Variants in GMPR2 observed in about 807,000 individuals in gnomAD.
GMPR2 encodes the protein guanosine monophosphate reductase 2, also known as GMP reductase 2.
In GMPR2, 32 loss-of-function variants were observed where a neutral mutation model predicts 38.5. The observed-to-expected ratio is 0.83, with a 90% CI of 0.63 to 1.12. The LOEUF is 1.12. GMPR2 is among the 50% of genes most tolerant of loss of function. The pLI, the probability that GMPR2 is intolerant of heterozygous loss-of-function variation, is 0.00. For missense variants in GMPR2, 396 were observed against 432.1 expected, an observed-to-expected ratio of 0.92 and a Z score of 0.74; for synonymous variants, 154 against 151.0, an observed-to-expected ratio of 1.02 and a Z score of -0.15.
intron 5 of GMPR2, 84 bp downstream of exon 5, chr14:24,236,224 G>A: frequency 1.1e-6 from 1 of 930,840 alleles, no homozygotes; most frequent in Non-Finnish European, 1.7e-6. Context: ...TTTCTCCTCT[G>A]CTGCATTATG....
chr14:24,238,698 A>G lies in GMPR2; in HGVS notation c.967A>G (p.Lys323Glu). The G allele has an allele frequency of 1.2e-6, 2 of 1,613,862 alleles. No individual in the cohort carries two copies. Among genetic ancestry groups the G allele is most frequent in the Middle Eastern group, 3.3e-4 (2 of 6,062 alleles). Residue 323 changes from lysine (K) to glutamate (E), a missense_variant, in exon 10 of 10, where the codon AAG (lysine) becomes GAG (glutamate). By Grantham distance (56) the Lys-to-Glu change is moderately conservative. Transcript: ENST00000399440. The stretch of plus-strand genomic sequence containing the variant: ...TACGTGTACCTATGTGGGAGCAGCT[A>G]AGCTCAAAGAGTTGAGCAGGAGAAC... ...RSTCTYVGAAKLKELSRRTTF... is the reference protein window; with the variant it reads ...RSTCTYVGAAELKELSRRTTF...
At position 24,233,272 on chromosome 14, in the gene GMPR2, G is replaced by T; in HGVS notation, c.19G>T (p.Asp7Tyr). The T allele has an allele frequency of 6.2e-7, 1 of 1,614,048 alleles. No individual in the cohort carries two copies. The highest frequency in any genetic ancestry group is 8.5e-7 in the Non-Finnish European group (1 of 1,179,982). Residue 7 changes from aspartate (D) to tyrosine (Y), a missense_variant, in exon 2 of 10, where the codon GAT (aspartate) becomes TAT (tyrosine). By Grantham distance (160) the Asp-to-Tyr change is radical. Coordinates refer to ENST00000399440, the MANE Select transcript of GMPR2 (RefSeq NM_001002002.3). ...AAGCGCCATGCCTCATATTGACAAC[G>T]ATGTGAAACTGGACTTCAAGGATGT... MPHIDN[D>Y]VKLDFKDVLL...
chr14:24,235,548 G>A, intron 3 of GMPR2, 189 bp from the exon 4 acceptor site: 3 of 603,620 alleles, frequency 5.0e-6, no homozygotes, highest in Non-Finnish European at 8.9e-6. Flanking sequence ...CTAGCTTATG[G>A]TAAAAAGCCC....
chr14:24,238,138 G>C, intron 8 of GMPR2, 108 bp from the exon 9 acceptor site: 1 of 1,008,112 alleles, frequency 9.9e-7, no homozygotes, highest in Non-Finnish European at 1.5e-6. Context: ...GGAGGAAGAC[G>C]CTGGAATCAT....
chr14:24,233,066 C>T (rs1020115760), intron 1 of GMPR2, 89 bp downstream of exon 1: 4 of 902,796 alleles, frequency 4.4e-6, no homozygotes, highest in African/African-American at 3.3e-5. Flanking sequence ...CTAGGGTAAT[C>T]GCAGCCACGG....
intron 7 of GMPR2, 56 bp downstream of exon 7, chr14:24,237,407 G>A (rs2040399718): frequency 1.4e-5 from 21 of 1,470,080 alleles, no homozygotes; most frequent in Non-Finnish European, 2.0e-5. Context: ...GTATGGAGGT[G>A]GCAGAGATGG....
chr14:24,237,284 ATCC>A lies in GMPR2; in HGVS notation c.588_590del (p.Tyr196_Pro197delinsTer). The A allele has an allele frequency of 2.5e-6, 4 of 1,612,164 alleles. No individual in the cohort carries two copies. The highest frequency in any genetic ancestry group is 3.4e-6 in the Non-Finnish European group (4 of 1,178,180). ...ACTCGGAAGAAAACTGGAGTGGGGT[ATCC>A]ACAGCTCAGCGCAGTGATGGAGTGT... is the stretch of plus-strand genomic sequence containing the variant. On this transcript the variant is annotated stop_gained and inframe_deletion, in exon 7 of 10. Coordinates refer to ENST00000399440, the MANE Select transcript of GMPR2 (RefSeq NM_001002002.3). LOFTEE classifies it high-confidence loss of function.
rs1472225629 is a variant in GMPR2, at chr14:24,238,791, C to G, written c.*13C>G. ...TGAGGCGTGCTAGACCTGAGCAGTT[C>G]TACCCTCCCAAGGCACCAGTACTCT... On this transcript the variant is annotated 3_prime_UTR_variant, in exon 10 of 10. Transcript: ENST00000399440. 5 of 1,607,908 alleles carry G rather than the reference C, an allele frequency of 3.1e-6. No individual in the cohort carries two copies. In the Admixed American group the frequency reaches 8.3e-5, roughly 27 times the overall value.
chr14:24,234,161 A>T lies in GMPR2; in HGVS notation c.207+563A>T, dbSNP rs1188873407. ...GCCCCAAATGGGATGTGTTTTTCTT[A>T]TATACAAGTTGTTCACTTTGAAATG... is the stretch of plus-strand genomic sequence containing the variant. On this transcript the variant is annotated intron_variant, in intron 3 of 9. Transcript: ENST00000399440. The T allele has an allele frequency of 2.3e-6, 3 of 1,288,816 alleles. No homozygotes were observed. In the African/African-American group the frequency reaches 4.6e-5, roughly 20 times the overall value. 79.8% of individuals were successfully genotyped at this position (1,288,816 alleles called of 1,614,324 possible).
At chr14:24,238,503 C>T (rs775350693) in intron 9 of GMPR2, 86 bp from the exon 10 acceptor site, 34 of 1,613,762 alleles carry the variant, frequency 2.1e-5, no homozygotes, top group Non-Finnish European at 2.5e-5. Context: ...CATGGTGAAC[C>T]GGGGCTCAAT....
At chr14:24,235,415 A>G (rs1325957807) in intron 3 of GMPR2, 3 of 361,512 alleles carry the variant, frequency 8.3e-6, no homozygotes, top group Non-Finnish European at 1.5e-5. Flanking sequence ...TGGTTCTTTC[A>G]TGTCTGCTGC....
intron 3 of GMPR2, chr14:24,234,130 G>A: frequency 1.6e-6 from 2 of 1,289,354 alleles, no homozygotes; most frequent in Non-Finnish European, 2.0e-6. Context: ...GGAGTTTCTG[G>A]GATGTGCCCC....
rs747037839 is a variant in GMPR2, at chr14:24,238,361, T to G, written c.813T>G (p.Ser271=). 4.3e-6 allele frequency: 7 copies of G among 1,614,066 alleles called. No individual in the cohort carries two copies. The South Asian group carries it at 7.7e-5, about 18-fold the overall frequency. ...ACAAGCTCTTCTATGGAATGAGTTC[T>G]GAAATGGCCATGAAGAAGTATGCTG... The part of the protein sequence containing the change: ...KKYKLFYGMS[S]EMAMKKYAGG... Residue 271 remains serine, a synonymous_variant, in exon 9 of 10, where the codon TCT becomes TCG. Coordinates refer to ENST00000399440, the MANE Select transcript of GMPR2 (RefSeq NM_001002002.3).
chr14:24,239,156 T>G lies in GMPR2; in HGVS notation c.*378T>G, dbSNP rs936068932. 1 of 380,778 alleles carries G rather than the reference T, an allele frequency of 2.6e-6. No homozygotes were observed. Among genetic ancestry groups the G allele is most frequent in the African/African-American group, 2.1e-5 (1 of 47,422 alleles). 23.6% of individuals were successfully genotyped at this position (380,778 alleles called of 1,614,324 possible). ...ATCATGTTTTGTTAATCCGCTTCACTAAATTGGACCTTCACATATCTAAAA... is the reference window on the plus strand; with the variant it reads ...ATCATGTTTTGTTAATCCGCTTCACGAAATTGGACCTTCACATATCTAAAA... On this transcript the variant is annotated 3_prime_UTR_variant, in exon 10 of 10. Transcript: ENST00000399440.
chr14:24,238,426 G>A (rs754427803), intron 9 of GMPR2, 21 bp downstream of exon 9: 9 of 1,613,992 alleles, frequency 5.6e-6, no homozygotes, highest in Non-Finnish European at 7.6e-6. Context: ...AGGCCCAGGA[G>A]CTTAGTAATA....
rs1014062687 is a variant in GMPR2, at chr14:24,239,053, G to A, written c.*275G>A. 2 of 547,130 alleles carry A rather than the reference G, an allele frequency of 3.7e-6. No homozygotes were observed. Among genetic ancestry groups the A allele is most frequent in the South Asian group, 3.1e-5 (2 of 65,360 alleles). The allele number at this position is 547,130 out of a possible 1,614,324, so 33.9% of individuals were successfully genotyped here. On this transcript the variant is annotated 3_prime_UTR_variant, in exon 10 of 10. Coordinates refer to ENST00000399440, the MANE Select transcript of GMPR2 (RefSeq NM_001002002.3). The stretch of plus-strand genomic sequence containing the variant: ...TGGGGACCCAACACAACATCCTGAA[G>A]ATTATTAAAAGGAAAAGATGCTGAT...
chr14:24,237,766 C>T, intron 8 of GMPR2: 2 of 608,522 alleles, frequency 3.3e-6, no homozygotes, highest in South Asian at 3.9e-5. Context: ...GCCATCTGAC[C>T]ATCTCCTAGA....
intron 5 of GMPR2, 75 bp from the exon 6 acceptor site, chr14:24,236,996 C>A: frequency 1.9e-6 from 2 of 1,067,026 alleles, no homozygotes; most frequent in Non-Finnish European, 2.9e-6. Flanking sequence ...AAGTCATGGT[C>A]CATGCATACC....
At chr14:24,236,207 C>A in intron 5 of GMPR2, 67 bp downstream of exon 5, 2 of 1,109,106 alleles carry the variant, frequency 1.8e-6, no homozygotes, top group South Asian at 1.3e-5. Context: ...TTTGCTACAT[C>A]AGTCCATTTC....
Sources: gnomAD v4.1 joint callset for allele counts on GRCh38, gnomAD v4.1.1 for gene constraint, MANE v1.5 for transcripts, NCBI Gene and HGNC (gene_info 2026-07-23, HGNC 2026-07-21) for gene names.